Variants in AKAP8L observed in about 807,000 individuals in gnomAD.
AKAP8L encodes A-kinase anchoring protein 8 like.
Under a neutral mutation model 77.5 loss-of-function variants are expected in AKAP8L, and 34 were observed. The ratio of observed to expected loss-of-function variants is 0.44; its 90% CI spans 0.33 to 0.58. The LOEUF is 0.58. AKAP8L is among the 20% of genes least tolerant of loss of function. AKAP8L has a pLI of 0.02. For synonymous variants in AKAP8L, 342 were observed against 340.7 expected (o/e 1.00, Z -0.04); for missense variants, 806 against 887.6 (o/e 0.91, Z 1.17).
At chr19:15,406,543 T>C (rs545274539) in intron 2 of AKAP8L, among the ~76,000 whole-genome samples, 1 of 152,252 alleles carries the variant, frequency 6.6e-6, no homozygotes, top group East Asian at 1.9e-4. Flanking sequence ...CACAGCTCAC[T>C]GCATCCTCGA....
At chr19:15,400,153 C>CA in intron 8 of AKAP8L, 142 bp downstream of exon 8, 1 of 807,428 alleles carries the variant, frequency 1.2e-6, no homozygotes. Context: ...AAAAGAAAGC[C>CA]CCCTGCCAGC....
intron 12 of AKAP8L, among the ~76,000 whole-genome samples, chr19:15,390,719 C>T (rs1967642954): frequency 6.6e-6 from 1 of 152,076 alleles, no homozygotes; most frequent in Admixed American, 6.6e-5. Context: ...CATAATTACA[C>T]ACTATGACCA....
At position 15,380,377 on chromosome 19, in the gene AKAP8L, A is replaced by C. The variant is rs751611212; in HGVS notation, c.1686T>G (p.Ala562=). 6.4e-7 allele frequency: 1 copy of C among 1,573,718 alleles called. No homozygotes were observed. The highest frequency in any genetic ancestry group is 1.2e-5 in the South Asian group (1 of 86,794). Residue 562 remains alanine, a synonymous_variant, in exon 14 of 14, where the codon GCT becomes GCG. Transcript: ENST00000397410. ...CCCCCTCGTCCAGGGCACCGCCCTC[A>C]GCCTCCTCCTGCTCCTTCTCCTCCT... ...SPEEEKEQEE[A]EGGALDEGAQ...
chr19:15,404,024 G>C lies in AKAP8L; in HGVS notation c.107C>G (p.Ser36Cys). Reference sequence around the variant, plus strand: ...ATGACACTTGCCTCTATTTGTCCCAGAGTTCCAAGTTCCATATCCTACAAA... The same window carrying C: ...ATGACACTTGCCTCTATTTGTCCCACAGTTCCAAGTTCCATATCCTACAAA... ...TCDYGYGTWN[S>C]GTNRGYEGYG... The change falls in exon 3 of 14, where the codon TCT becomes TGT. Residue 36 changes from serine to cysteine, a missense_variant. Around this residue, in one of 2 missense-constraint regions of AKAP8L, gnomAD observed 580 missense variants for 694.1 expected, o/e 0.84. Transcript: ENST00000397410. 6.2e-7 allele frequency: 1 copy of C among 1,613,914 alleles called. No homozygotes were observed. The highest frequency in any genetic ancestry group is 8.5e-7 in the Non-Finnish European group (1 of 1,179,854).
intron 1 of AKAP8L, among the ~76,000 whole-genome samples, chr19:15,412,311 G>A (rs974657996): frequency 3.3e-5 from 5 of 152,218 alleles, no homozygotes; most frequent in Non-Finnish European, 4.4e-5. Context: ...AAACCCAGGA[G>A]GCGGAGATTG....
At chr19:15,390,717 C>T (rs1366655466) in intron 12 of AKAP8L, among the ~76,000 whole-genome samples, 2 of 152,112 alleles carry the variant, frequency 1.3e-5, no homozygotes, top group East Asian at 3.9e-4. Flanking sequence ...AACATAATTA[C>T]ACACTATGAC....
Position 15,399,908 on chromosome 19 carries a change from G to A in AKAP8L, c.1048+387C>T, listed in dbSNP as rs1343437123. 3 of 342,872 alleles carry A rather than the reference G, an allele frequency of 8.7e-6. No homozygotes were observed. The highest frequency in any genetic ancestry group is 8.8e-5 in the Admixed American group (2 of 22,836). 21.2% of individuals were successfully genotyped at this position (342,872 alleles called of 1,614,324 possible). A position where few individuals can be genotyped will look rare whatever the true frequency, so the allele number is the denominator to read the frequency against. On this transcript the variant is annotated intron_variant, in intron 8 of 13. Transcript: ENST00000397410. The surrounding 1 kb of genome is among the most constrained non-coding windows in gnomAD (Gnocchi z 6.1). ...GGAGAGGTGCTAAGGGAGAGGATAC[G>A]CACACCAGAGCCGTAAAAACTGCAC... is the stretch of plus-strand genomic sequence containing the variant.
In AKAP8L at chr19:15,397,451, C is replaced by A; in HGVS notation, c.1405+69G>T. The A allele has an allele frequency of 6.6e-7, 1 of 1,514,866 alleles. No homozygotes were observed. Among genetic ancestry groups the A allele is most frequent in the Non-Finnish European group, 9.1e-7 (1 of 1,099,048 alleles). The allele number at this position is 1,514,866 out of a possible 1,614,324, so 93.8% of individuals were successfully genotyped here. ...CTGGGGGAACAGAAGGGTGTCCTGA[C>A]CCTGCACCGAAAATCAGGAGTGCAG... On this transcript the variant is annotated intron_variant, in intron 11 of 13. Transcript: ENST00000397410. This position sits in a 1 kb window ranked among gnomAD's most constrained non-coding sequence, Gnocchi z 4.7.
chr19:15,408,230 T>C (rs996516108), intron 2 of AKAP8L, among the ~76,000 whole-genome samples: 13 of 152,136 alleles, frequency 8.5e-5, no homozygotes, highest in East Asian at 1.9e-4. Flanking sequence ...CCACAGTATA[T>C]GGTCAACTGA....
At position 15,380,098 on chromosome 19, in the gene AKAP8L, G is replaced by A. The variant is rs1010166137; in HGVS notation, c.*24C>T. 1.4e-6 allele frequency: 2 copies of A among 1,462,878 alleles called. No individual in the cohort carries two copies. The highest frequency in any genetic ancestry group is 1.8e-6 in the Non-Finnish European group (2 of 1,119,058). 90.6% of individuals were successfully genotyped at this position (1,462,878 alleles called of 1,614,324 possible). On this transcript the variant is annotated 3_prime_UTR_variant, in exon 14 of 14. Transcript: ENST00000397410. Reference sequence around the variant, plus strand: ...TTTGGTTTCCAGCTTCGGCCACGCGGGCTCCGCCCGCCCCGAGCTCGGGTC... The same window carrying A: ...TTTGGTTTCCAGCTTCGGCCACGCGAGCTCCGCCCGCCCCGAGCTCGGGTC...
At position 15,399,355 on chromosome 19, in the gene AKAP8L, G is replaced by T; in HGVS notation, c.1104C>A (p.Gly368=). 6.2e-7 allele frequency: 1 copy of T among 1,613,598 alleles called. No individual in the cohort carries two copies. The highest frequency in any genetic ancestry group is 8.5e-7 in the Non-Finnish European group (1 of 1,179,730). ...TTTTCTGCTTGTCCTGACTCTTCTTGCCTGCCTGCAACTTGCGCTTGGTCT... is the reference window on the plus strand; with the variant it reads ...TTTTCTGCTTGTCCTGACTCTTCTTTCCTGCCTGCAACTTGCGCTTGGTCT... The part of the protein sequence containing the change: ...NGQTKRKLQA[G]KKSQDKQKKR... Residue 368 remains glycine, a synonymous_variant, in exon 9 of 14, where the codon GGC becomes GGA. Transcript: ENST00000397410. The surrounding 1 kb of genome is among the most constrained non-coding windows in gnomAD (Gnocchi z 6.1).
intron 1 of AKAP8L, among the ~76,000 whole-genome samples, chr19:15,411,822 G>C (rs558282361): frequency 9.9e-5 from 15 of 152,100 alleles, no homozygotes; most frequent in South Asian, 4.1e-4. Flanking sequence ...GGAGGCCAAG[G>C]GGGGGTGGAC....
At chr19:15,415,804 T>C (rs2145154169) in intron 1 of AKAP8L, among the ~76,000 whole-genome samples, 1 of 151,458 alleles carries the variant, frequency 6.6e-6, no homozygotes. Flanking sequence ...GAGAATGGCA[T>C]GAACCTGGGA....
chr19:15,380,870 C>G (rs1689051335), intron 12 of AKAP8L: 1 of 500,846 alleles, frequency 2.0e-6, no homozygotes, highest in Non-Finnish European at 3.6e-6. Flanking sequence ...GGCTGTATTA[C>G]AGAAATCTGA....
At position 15,403,705 on chromosome 19, in the gene AKAP8L, G is replaced by A. The variant is rs551064816; in HGVS notation, c.132C>T (p.Gly44=). The A allele has an allele frequency of 2.0e-5, 32 of 1,580,960 alleles. 2 individuals carry two copies. The African/African-American group carries it at 3.6e-4, about 18-fold the overall frequency. ...GGCCATAGCCATAGCCATAGCCATA[G>A]CCCTCGTAGCCTGCAGTGAGGGAGA... is the stretch of plus-strand genomic sequence containing the variant. ...WNSGTNRGYE[G]YGYGYGYGQD... is the part of the protein sequence containing the mutation. The change falls in exon 4 of 14, where the codon GGC becomes GGT. Residue 44 remains glycine, a synonymous_variant. Coordinates refer to ENST00000397410, the MANE Select transcript of AKAP8L (RefSeq NM_014371.4). The surrounding 1 kb of genome is among the most constrained non-coding windows in gnomAD (Gnocchi z 4.3).
chr19:15,383,927 C>CTTTTTT (rs3040939), intron 12 of AKAP8L: 290 of 83,626 alleles, frequency 3.5e-3, no homozygotes, highest in Middle Eastern at 8.2e-3. Context: ...AGGTCTATTT[C>CTTTTTT]TTTTTTTTTT....
chr19:15,385,649 G>T (rs1352410038), intron 12 of AKAP8L, among the ~76,000 whole-genome samples: 1 of 151,870 alleles, frequency 6.6e-6, no homozygotes, highest in Non-Finnish European at 1.5e-5. Context: ...GCCCCGGCTG[G>T]AATGCAGTGG....
chr19:15,404,165 A>T (rs534432018), intron 2 of AKAP8L, 123 bp from the exon 3 acceptor site: 1 of 983,672 alleles, frequency 1.0e-6, no homozygotes, highest in East Asian at 2.4e-5. Flanking sequence ...CCTAACCGAG[A>T]AGCCTTGAGC....
At chr19:15,406,362 G>GGGGAGAGAGAGAGAGAGA (rs1555700853) in intron 2 of AKAP8L, among the ~76,000 whole-genome samples, 3 of 89,380 alleles carry the variant, frequency 3.4e-5, no homozygotes, top group African/African-American at 1.0e-4. Context: ...GAAATTTTAA[G>GGGGAGAGAGAGAGAGAGA]GAGAGAGAGA....
Sources: gnomAD v4.1 joint callset for allele counts (sites outside exome capture counted in the v4.1 genomes callset) on GRCh38, gnomAD v4.1.1 for gene constraint, gnomAD v4.1.1 regional missense constraint, Gnocchi (gnomAD v3.1) non-coding constraint, MANE v1.5 for transcripts, NCBI Gene and HGNC (gene_info 2026-07-23, HGNC 2026-07-21) for gene names.